Variants in COL11A1 observed in about 807,000 individuals in gnomAD.
COL11A1 encodes the protein collagen type XI alpha 1 chain.
COL11A1 carries 74 observed loss-of-function variants against 265.2 expected under a neutral mutation model. The observed-to-expected ratio is 0.28, with a 90% CI of 0.23 to 0.34. The LOEUF (loss-of-function observed/expected upper bound fraction) is 0.34, where lower values mean the gene tolerates loss of function less well. Among genes scored for constraint, COL11A1 ranks in the 10% least tolerant of loss-of-function variants. The pLI, the probability that COL11A1 is intolerant of heterozygous loss-of-function variation, is 1.00. For synonymous variants in COL11A1, 816 were observed against 727.6 expected (o/e 1.12, Z -1.96); for missense variants, 2,165 against 2,263.6 (o/e 0.96, Z 0.88).
rs147764654 is a variant in COL11A1, at chr1:103,086,449, C to G, written c.107-3477G>C. Among the ~76,000 whole-genome samples, 1,060 of 152,242 alleles carry G rather than the reference C, an allele frequency of 7.0e-3. 17 individuals are homozygous for G. The highest frequency in any genetic ancestry group is 0.024 in the African/African-American group (995 of 41,558). On this transcript the variant is annotated intron_variant, in intron 1 of 66. Transcript: ENST00000370096. ...TGTTTGTTTTTGAGACGGAGTCTTG[C>G]TCTGTTGCCCAGGCTGGAGTGCAGT...
chr1:103,102,011 A>C (rs961560042), intron 1 of COL11A1, among the ~76,000 whole-genome samples: 3 of 152,198 alleles, frequency 2.0e-5, no homozygotes, highest in Admixed American at 2.0e-4. Context: ...CCAAGTTAGT[A>C]GTAGGCCAAA....
At position 102,880,065 on chromosome 1, in the gene COL11A1, A is replaced by G. The variant is rs550384066; in HGVS notation, c.5041-149T>C. The stretch of plus-strand genomic sequence containing the variant: ...CTTAACCTAATGAAAAAAAGTGTAC[A>G]TTGAGGGTCAGAAGACCCAGAGACA... On this transcript the variant is annotated intron_variant, in intron 65 of 66. Coordinates refer to ENST00000370096, the MANE Select transcript of COL11A1 (RefSeq NM_001854.4). 32 of 628,066 alleles carry G rather than the reference A, an allele frequency of 5.1e-5. No individual in the cohort carries two copies. The East Asian group carries it at 8.5e-4, about 17-fold the overall frequency. The allele number at this position is 628,066 out of a possible 1,614,324, so 38.9% of individuals were successfully genotyped here. A position where few individuals can be genotyped will look rare whatever the true frequency, so the allele number is the denominator to read the frequency against.
chr1:102,930,166 T>C lies in COL11A1; in HGVS notation c.3600+4283A>G, dbSNP rs1657219081. Among the ~76,000 whole-genome samples, 3 of 152,278 alleles carry C rather than the reference T, an allele frequency of 2.0e-5. No individual in the cohort carries two copies. The South Asian group carries it at 6.2e-4, about 32-fold the overall frequency. ...GGTGAGAGAAGGCATCCCTGTCTTGTGCCCGTTTTCAAAGGGAATACTTCC... is the reference window on the plus strand; with the variant it reads ...GGTGAGAGAAGGCATCCCTGTCTTGCGCCCGTTTTCAAAGGGAATACTTCC... On this transcript the variant is annotated intron_variant, in intron 46 of 66. Transcript: ENST00000370096.
At chr1:103,095,871 T>C (rs1021477333) in intron 1 of COL11A1, among the ~76,000 whole-genome samples, 4 of 152,024 alleles carry the variant, frequency 2.6e-5, no homozygotes, top group African/African-American at 9.7e-5. Flanking sequence ...CCAAAATCTT[T>C]CTATGTACTC....
At chr1:102,932,911 C>T (rs1290389023) in intron 46 of COL11A1, among the ~76,000 whole-genome samples, 5 of 151,132 alleles carry the variant, frequency 3.3e-5, no homozygotes, top group Non-Finnish European at 4.4e-5. Flanking sequence ...GCATTCTTCA[C>T]GTAGTTCTCG....
chr1:102,889,236 A>G (rs1490712486), intron 59 of COL11A1, among the ~76,000 whole-genome samples: 1 of 152,104 alleles, frequency 6.6e-6, no homozygotes, highest in Admixed American at 6.6e-5. Flanking sequence ...TTTAAATAAT[A>G]CTCAACTGTA....
intron 4 of COL11A1, among the ~76,000 whole-genome samples, chr1:103,038,119 A>C (rs567679766): frequency 6.6e-6 from 1 of 152,328 alleles, no homozygotes; most frequent in East Asian, 1.9e-4. Context: ...AGCATTAAAC[A>C]TAAAAAGCAT....
intron 4 of COL11A1, among the ~76,000 whole-genome samples, chr1:103,043,866 A>G (rs1280636847): frequency 6.6e-6 from 1 of 152,068 alleles, no homozygotes; most frequent in Non-Finnish European, 1.5e-5. Flanking sequence ...ATAAAAATAC[A>G]TTTAGGTAAG....
chr1:102,986,400 C>A (rs1663548423), intron 30 of COL11A1, among the ~76,000 whole-genome samples: 1 of 122,076 alleles, frequency 8.2e-6, no homozygotes, highest in Non-Finnish European at 1.6e-5. Flanking sequence ...ACGTCACACA[C>A]CAGGGCCTGT....
At chr1:103,011,186 C>T (rs539499362) in intron 14 of COL11A1, among the ~76,000 whole-genome samples, 1 of 152,082 alleles carries the variant, frequency 6.6e-6, no homozygotes, top group African/African-American at 2.4e-5. Context: ...ATTCTTCTGA[C>T]CCCAAATTTC....
intron 54 of COL11A1, among the ~76,000 whole-genome samples, chr1:102,900,801 C>A (rs1376799612): frequency 6.6e-6 from 1 of 152,124 alleles, no homozygotes; most frequent in African/African-American, 2.4e-5. Flanking sequence ...CTTCTGTGAA[C>A]AAATATCTGT....
chr1:102,955,366 G>A (rs1660270515), intron 41 of COL11A1, among the ~76,000 whole-genome samples: 1 of 152,066 alleles, frequency 6.6e-6, no homozygotes, highest in Non-Finnish European at 1.5e-5. Context: ...TCAGAATCAT[G>A]GGGGGATGGT....
At chr1:103,054,697 T>G (rs1670101210) in intron 4 of COL11A1, among the ~76,000 whole-genome samples, 1 of 151,706 alleles carries the variant, frequency 6.6e-6, no homozygotes, top group African/African-American at 2.4e-5. Context: ...AGGTCGGGAG[T>G]TCGAGACCAG....
intron 49 of COL11A1, among the ~76,000 whole-genome samples, chr1:102,915,976 T>A (rs1025211240): frequency 2.0e-5 from 3 of 152,176 alleles, no homozygotes; most frequent in African/African-American, 7.2e-5. Flanking sequence ...GACATATGCA[T>A]GTTTCCTAAA....
intron 41 of COL11A1, among the ~76,000 whole-genome samples, chr1:102,950,054 G>A (rs1237569719): frequency 6.6e-6 from 1 of 152,110 alleles, no homozygotes; most frequent in African/African-American, 2.4e-5. Flanking sequence ...TCAGCACTTT[G>A]GGAGGCCAAG....
chr1:102,923,426 G>GGTTTGTAAAGTATT (rs747913948), intron 46 of COL11A1, 37 bp from the exon 47 acceptor site: 1 of 1,499,796 alleles, frequency 6.7e-7, no homozygotes, highest in Non-Finnish European at 9.1e-7. Flanking sequence ...AAAAGTCACT[G>GGTTTGTAAAGTATT]ATGTCTTTAA....
intron 49 of COL11A1, among the ~76,000 whole-genome samples, chr1:102,919,504 A>T (rs1655729176): frequency 6.6e-6 from 1 of 151,992 alleles, no homozygotes; most frequent in East Asian, 1.9e-4. Context: ...AACAAGTAGC[A>T]TATTAAGGAA....
rs1258949666 is a variant in COL11A1 at position 102,914,831 on chromosome 1, AAAAAAG to A, written c.3817-26_3817-21del. ...GGGACCCTAAACAATGTTAAAAAAA[AAAAAAG>A]AAGAAGAAGGAAAGAAGAGTTATCT... On this transcript the variant is annotated intron_variant, in intron 50 of 66. Transcript: ENST00000370096. The A allele has an allele frequency of 1.3e-6, 2 of 1,563,902 alleles. No homozygotes were observed. Among genetic ancestry groups the A allele is most frequent in the African/African-American group, 2.7e-5 (2 of 73,706 alleles).
At chr1:102,897,913 AT>A (rs1281197148) in intron 57 of COL11A1, among the ~76,000 whole-genome samples, 1 of 152,196 alleles carries the variant, frequency 6.6e-6, no homozygotes, top group African/African-American at 2.4e-5. Flanking sequence ...TCCAAAGTGC[AT>A]AAGAAAGAAA....
Sources: allele counts gnomAD v4.1 joint callset (sites outside exome capture counted in the v4.1 genomes callset), GRCh38; gene constraint gnomAD v4.1.1; transcripts MANE v1.5; gene names NCBI Gene and HGNC (gene_info 2026-07-23, HGNC 2026-07-21).